Variants in CFAP46 observed in about 807,000 individuals in gnomAD.
CFAP46 encodes cilia and flagella associated protein 46, also known as cilia- and flagella-associated protein 46.
A neutral mutation model predicts 325.7 loss-of-function variants in CFAP46; 245 were observed. That is an observed-to-expected ratio of 0.75 (90% CI 0.68 to 0.84). CFAP46 has a LOEUF of 0.84. CFAP46 is among the 40% of genes least tolerant of loss of function. The pLI is 0.00. For missense variants in CFAP46, 3,346 were observed against 3,543.0 expected (o/e 0.94, Z 1.41); for synonymous variants, 1,523 against 1,495.9 (o/e 1.02, Z -0.42).
chr10:132,882,860 G>A (rs576429237), intron 27 of CFAP46, among the ~76,000 whole-genome samples: 8 of 152,216 alleles, frequency 5.3e-5, no homozygotes, highest in Non-Finnish European at 8.8e-5. Context: ...AGCTGTGTAC[G>A]CGGGGGAGGG....
At chr10:132,812,674 C>A in intron 55 of CFAP46, 111 bp downstream of exon 55, 5 of 726,056 alleles carry the variant, frequency 6.9e-6, no homozygotes, top group Non-Finnish European at 1.2e-5. Context: ...GAGGGGGCTG[C>A]GGCCACAGGG....
intron 28 of CFAP46, among the ~76,000 whole-genome samples, 160 bp from the exon 29 acceptor site, chr10:132,879,791 CG>C (rs1849012040): frequency 6.6e-6 from 1 of 152,166 alleles, no homozygotes; most frequent in South Asian, 2.1e-4. Flanking sequence ...GGAAGAGTCA[CG>C]TGTTGTACTT....
At chr10:132,818,159 T>C (rs1402969891) in intron 50 of CFAP46, among the ~76,000 whole-genome samples, 4 of 152,184 alleles carry the variant, frequency 2.6e-5, no homozygotes, top group Admixed American at 6.5e-5. Context: ...GTTGGGCTGC[T>C]GCTTTCCTTT....
At chr10:132,940,343 AT>A (rs1414342683) in intron 4 of CFAP46, among the ~76,000 whole-genome samples, 2 of 152,044 alleles carry the variant, frequency 1.3e-5, no homozygotes, top group African/African-American at 4.8e-5. Context: ...CACAAAACTG[AT>A]TTGAATAGGA....
rs373942871 is a variant in CFAP46, at chr10:132,834,383, G to A, written c.6867-260C>T. 2.4e-4 allele frequency among the ~76,000 whole-genome samples: 37 copies of A among 152,296 alleles called. 1 individual carries two copies. The highest frequency in any genetic ancestry group is 8.4e-4 in the African/African-American group (35 of 41,574). ...TTCCCACCCCAAATCAAAGCAGCCC[G>A]GGCGGTCCCTTGGAGGTGCTTGCCC... On this transcript the variant is annotated intron_variant, in intron 48 of 57. Coordinates refer to ENST00000368586, the MANE Select transcript of CFAP46 (RefSeq NM_001200049.3).
At position 132,836,908 on chromosome 10, in the gene CFAP46, G is replaced by A; in HGVS notation, c.6445C>T (p.Gln2149Ter). 1 of 1,613,738 alleles carries A rather than the reference G, an allele frequency of 6.2e-7. No individual in the cohort carries two copies. Among genetic ancestry groups the A allele is most frequent in the Non-Finnish European group, 8.5e-7 (1 of 1,179,856 alleles). ...TGCTGCTCAGTGACGCAGAGATTTT[G>A]CCAAGCCTGTGTGGCGAAAAACGGC... ...QRLAAVSKAW[Q>*]NLCVTEQHFN... is the part of the protein sequence containing the mutation. The change falls in exon 45 of 58, where the codon CAA (glutamine) becomes TAA (stop). Residue 2149 changes from glutamine (Q) to a stop codon, truncating the protein, a stop_gained. Transcript: ENST00000368586. LOFTEE classifies it high-confidence loss of function.
chr10:132,879,627 C>T lies in CFAP46; in HGVS notation c.3804G>A (p.Glu1268=). The T allele has an allele frequency of 6.6e-7, 1 of 1,526,072 alleles. No individual in the cohort carries two copies. The highest frequency in any genetic ancestry group is 1.2e-5 in the South Asian group (1 of 80,294). 94.5% of individuals were successfully genotyped at this position (1,526,072 alleles called of 1,614,324 possible). A position where few individuals can be genotyped will look rare whatever the true frequency, so the allele number is the denominator to read the frequency against. The change falls in exon 29 of 58, where the codon GAG becomes GAA. Residue 1268 remains glutamate (E), a synonymous_variant. Transcript: ENST00000368586. ...GTGGGGGCATCTCCACAGCCACGTA[C>T]TCCCCTGAAACACGGGGTGCCCGAG... ...VPEPQPTPDG[E]YVAVEMPPRS...
chr10:132,834,691 G>A lies in CFAP46; in HGVS notation c.6829C>T (p.Gln2277Ter). ...SVLGPLEELL[Q>*]PLFPLLSLSK... ...AGGCTGAGCAGGGGGAATAGCGGCT[G>A]CAGAAGCTCCTCCAGGGGCCCCAGG... The change falls in exon 48 of 58, where the codon CAG becomes TAG. Residue 2277 changes from glutamine to a stop codon, truncating the protein, a stop_gained. Coordinates refer to ENST00000368586, the MANE Select transcript of CFAP46 (RefSeq NM_001200049.3). LOFTEE classifies it high-confidence loss of function. The A allele has an allele frequency of 6.2e-7, 1 of 1,613,096 alleles. No individual in the cohort carries two copies. Among genetic ancestry groups the A allele is most frequent in the Non-Finnish European group, 8.5e-7 (1 of 1,179,966 alleles).
chr10:132,927,647 CA>C (rs1849833100), intron 9 of CFAP46, among the ~76,000 whole-genome samples: 4 of 152,226 alleles, frequency 2.6e-5, no homozygotes, highest in Admixed American at 2.6e-4. Context: ...CCGTGCTTCC[CA>C]CACGTTCACG....
Position 132,808,777 on chromosome 10 carries a change from AGGTCCAGGC to A in CFAP46, c.7783_7791del (p.Ala2595_Thr2597del). ...GGGGCCCCAGCAGCTGATGGGAGGC[AGGTCCAGGC>A]CTGCACTACCCGATGGCTTGGTGCG... On this transcript the variant is annotated inframe_deletion, in exon 58 of 58. Coordinates refer to ENST00000368586, the MANE Select transcript of CFAP46 (RefSeq NM_001200049.3). This position sits in a 1 kb window ranked among gnomAD's most constrained non-coding sequence, Gnocchi z 6.8. 2 of 1,595,518 alleles carry A rather than the reference AGGTCCAGGC, an allele frequency of 1.3e-6. No homozygotes were observed. The highest frequency in any genetic ancestry group is 1.7e-6 in the Non-Finnish European group (2 of 1,171,386).
intron 6 of CFAP46, 53 bp from the exon 7 acceptor site, chr10:132,937,108 G>T (rs916081478): frequency 1.7e-5 from 18 of 1,069,946 alleles, no homozygotes; most frequent in Middle Eastern, 2.1e-4. Flanking sequence ...TTCGGTAGAG[G>T]TTCAGATTTT....
At position 132,936,173 on chromosome 10, in the gene CFAP46, C is replaced by A. The variant is rs551547666; in HGVS notation, c.755+788G>T. 2.6e-5 allele frequency among the ~76,000 whole-genome samples: 3 copies of A among 116,668 alleles called. No individual in the cohort carries two copies. In the South Asian group the frequency reaches 9.7e-4, roughly 38 times the overall value. The allele number at this position is 116,668 out of a possible 152,430, so 76.5% of individuals were successfully genotyped here. A position where few individuals can be genotyped will look rare whatever the true frequency, so the allele number is the denominator to read the frequency against. ...CCCCGGCCCCCAAATACACTGTGATCTCCTCACTCCCCTCAGCCCCCAAAC... is the reference window on the plus strand; with the variant it reads ...CCCCGGCCCCCAAATACACTGTGATATCCTCACTCCCCTCAGCCCCCAAAC... On this transcript the variant is annotated intron_variant, in intron 7 of 57. Coordinates refer to ENST00000368586, the MANE Select transcript of CFAP46 (RefSeq NM_001200049.3).
Position 132,899,269 on chromosome 10 carries a change from C to T in CFAP46, c.3057-148G>A, listed in dbSNP as rs988346952. 5 of 1,024,744 alleles carry T rather than the reference C, an allele frequency of 4.9e-6. No individual in the cohort carries two copies. The African/African-American group carries it at 8.1e-5, about 17-fold the overall frequency. The allele number at this position is 1,024,744 out of a possible 1,614,324, so 63.5% of individuals were successfully genotyped here. A position where few individuals can be genotyped will look rare whatever the true frequency, so the allele number is the denominator to read the frequency against. Reference sequence around the variant, plus strand: ...GTGGCTTGCTCAGGAGTCCCTGCTGCATCCTTTCCAGTGGGCCTTTCTGGG... The same window carrying T: ...GTGGCTTGCTCAGGAGTCCCTGCTGTATCCTTTCCAGTGGGCCTTTCTGGG... On this transcript the variant is annotated intron_variant, in intron 23 of 57. Coordinates refer to ENST00000368586, the MANE Select transcript of CFAP46 (RefSeq NM_001200049.3).
At position 132,911,376 on chromosome 10, in the gene CFAP46, G is replaced by A. The variant is rs13376719; in HGVS notation, c.2499+1279C>T. Among the ~76,000 whole-genome samples the A allele has an allele frequency of 9.7e-3, 1,474 of 152,256 alleles. 24 individuals carry two copies. The highest frequency in any genetic ancestry group is 0.033 in the African/African-American group (1,375 of 41,544). ...CCGCAGGCTCAAGACTCTCCAGCCCGCGGTTTTATCCATGGCCCAGAAAGG... is the reference window on the plus strand; with the variant it reads ...CCGCAGGCTCAAGACTCTCCAGCCCACGGTTTTATCCATGGCCCAGAAAGG... On this transcript the variant is annotated intron_variant, in intron 19 of 57. Transcript: ENST00000368586.
At chr10:132,840,117 T>C (rs1296651623) in intron 44 of CFAP46, among the ~76,000 whole-genome samples, 5 of 152,222 alleles carry the variant, frequency 3.3e-5, no homozygotes, top group African/African-American at 9.7e-5. Flanking sequence ...TGTAGCAACA[T>C]TTTAAATAAG....
chr10:132,821,065 AGTGCTGATGTGTGCTGTGT>A (rs1847801695), intron 50 of CFAP46, among the ~76,000 whole-genome samples: 2 of 41,092 alleles, frequency 4.9e-5, no homozygotes, highest in Non-Finnish European at 9.0e-5. Flanking sequence ...GTGTGCTGTG[AGTGCTGATGTGTGCTGTGT>A]GTGCTGATGT....
Position 132,907,892 on chromosome 10 carries a change from C to A in CFAP46, c.2924+576G>T, listed in dbSNP as rs142626414. Among the ~76,000 whole-genome samples the A allele has an allele frequency of 7.2e-5, 11 of 152,334 alleles. No homozygotes were observed. The East Asian group carries it at 1.9e-3, about 27-fold the overall frequency. On this transcript the variant is annotated intron_variant, in intron 22 of 57. Coordinates refer to ENST00000368586, the MANE Select transcript of CFAP46 (RefSeq NM_001200049.3). ...CGTCTGTGAGACAGGAAGGGGCCCT[C>A]GCAGACGCCGAATCTGCCACACCTC...
intron 28 of CFAP46, among the ~76,000 whole-genome samples, chr10:132,880,462 CTGAGG>C (rs1246284057): frequency 1.3e-5 from 2 of 152,228 alleles, no homozygotes; most frequent in African/African-American, 2.4e-5. Context: ...TTGGGGATGG[CTGAGG>C]TGCCCACAGG....
At chr10:132,922,880 G>A (rs1849749184) in intron 11 of CFAP46, among the ~76,000 whole-genome samples, 172 bp from the exon 12 acceptor site, 1 of 152,220 alleles carries the variant, frequency 6.6e-6, no homozygotes, top group Non-Finnish European at 1.5e-5. Context: ...TGGCCCTGGG[G>A]ACTCACAAAT....
Sources: allele counts gnomAD v4.1 joint callset (sites outside exome capture counted in the v4.1 genomes callset), GRCh38; gene constraint gnomAD v4.1.1; non-coding constraint Gnocchi (gnomAD v3.1); transcripts MANE v1.5; gene names NCBI Gene and HGNC (gene_info 2026-07-23, HGNC 2026-07-21).